The following NOMO2 variants were observed in gnomAD, a reference collection of about 807,000 sequenced individuals.
NOMO2 encodes BOS complex subunit NOMO2.
In NOMO2, 14 loss-of-function variants were observed where a neutral mutation model predicts 67.1. The observed-to-expected ratio is 0.21, with a 90% CI of 0.14 to 0.33. NOMO2 has a LOEUF of 0.33. Among genes scored for constraint, NOMO2 ranks in the 10% least tolerant of loss-of-function variants. NOMO2 has a pLI of 1.00. For missense variants in NOMO2, 178 were observed against 761.0 expected (o/e 0.23, Z 9.01); for synonymous variants, 80 against 305.9 (o/e 0.26, Z 7.71).
At chr16:18,528,494 C>T (rs1422529638) in intron 15 of NOMO2, among the ~76,000 whole-genome samples, 4 of 151,854 alleles carry the variant, frequency 2.6e-5, no homozygotes, top group East Asian at 1.9e-4. Flanking sequence ...TAAGACCTGA[C>T]GATGACATCT....
intron 15 of NOMO2, among the ~76,000 whole-genome samples, chr16:18,528,601 A>G (rs1262771258): frequency 6.6e-6 from 1 of 151,834 alleles, no homozygotes; most frequent in South Asian, 2.1e-4. Context: ...GGCCACAGAG[A>G]CCACAATCAA....
At chr16:18,529,408 C>A in intron 15 of NOMO2, 93 bp downstream of exon 15, 1 of 1,610,912 alleles carries the variant, frequency 6.2e-7, no homozygotes, top group Non-Finnish European at 8.5e-7. Context: ...ATCTGACTTG[C>A]CTACGTTTAC....
At chr16:18,535,639 G>A (rs771044166) in intron 11 of NOMO2, among the ~76,000 whole-genome samples, 17 of 151,786 alleles carry the variant, frequency 1.1e-4, no homozygotes, top group Middle Eastern at 3.4e-3. Context: ...GCCTGGGCCC[G>A]GCCACTACCA....
At chr16:18,546,596 A>T (rs1308607749) in intron 6 of NOMO2, among the ~76,000 whole-genome samples, 1 of 790 alleles carries the variant, frequency 1.3e-3, no homozygotes. Context: ...CTCCGTCTTT[A>T]AAAAAAAAAA....
At chr16:18,531,359 G>A in intron 13 of NOMO2, 107 bp downstream of exon 13, 1 of 1,581,606 alleles carries the variant, frequency 6.3e-7, no homozygotes, top group Non-Finnish European at 8.7e-7. Context: ...TCGCACGCAG[G>A]TGATCAGTAG....
In NOMO2 at chr16:18,520,834, T is replaced by C. The variant is rs1189799501; in HGVS notation, c.2204A>G (p.Lys735Arg). Residue 735 changes from lysine (K) to arginine (R), a missense_variant, in exon 19 of 31, where the codon AAG (lysine) becomes AGG (arginine). Physicochemically the swap from Lys to Arg is conservative, Grantham distance 26 (BLOSUM62 2). Transcript: ENST00000622306. ...GNEEGEERMT[K>R]PPVQEMVDEL... ...ATCTACCATCTCCTGCACGGGAGGCTTGGTCATTCTTTCTTCACCTTCCTC... is the reference window on the plus strand; with the variant it reads ...ATCTACCATCTCCTGCACGGGAGGCCTGGTCATTCTTTCTTCACCTTCCTC... The C allele has an allele frequency of 1.2e-6, 2 of 1,613,966 alleles. No individual in the cohort carries two copies. The highest frequency in any genetic ancestry group is 2.7e-5 in the African/African-American group (2 of 74,954).
At chr16:18,525,037 G>A (rs1901114883) in intron 16 of NOMO2, among the ~76,000 whole-genome samples, 1 of 148,386 alleles carries the variant, frequency 6.7e-6, no homozygotes, top group Non-Finnish European at 1.5e-5. Flanking sequence ...ACTCCGAGTA[G>A]GGGTACATTT....
intron 15 of NOMO2, among the ~76,000 whole-genome samples, chr16:18,528,967 CAAAAAAAA>C (rs58520369): frequency 8.1e-5 from 1 of 12,334 alleles, no homozygotes; most frequent in African/African-American, 2.7e-4. Context: ...GACTCCATCT[CAAAAAAAA>C]AAAAAAAAAA....
chr16:18,520,419 C>A lies in NOMO2; in HGVS notation c.2356+178G>T, dbSNP rs1469124564. Among the ~76,000 whole-genome samples the A allele has an allele frequency of 2.0e-5, 3 of 149,564 alleles. 1 individual carries two copies. Among genetic ancestry groups the A allele is most frequent in the Non-Finnish European group, 1.5e-5 (1 of 67,208 alleles). ...CCATCCATCCATCCAACCCAACCATCCATCCATCCATCCATCCATCCATCC... is the reference window on the plus strand; with the variant it reads ...CCATCCATCCATCCAACCCAACCATACATCCATCCATCCATCCATCCATCC... On this transcript the variant is annotated intron_variant, in intron 20 of 30. Coordinates refer to ENST00000622306, the MANE Select transcript of NOMO2 (RefSeq NM_173614.4).
rs551843926 is a variant in NOMO2, at chr16:18,531,644, C to T, written c.1396-37G>A. On this transcript the variant is annotated intron_variant, in intron 12 of 30. Coordinates refer to ENST00000622306, the MANE Select transcript of NOMO2 (RefSeq NM_173614.4). ...TGGATGGAACGTTAGAGGCTGCATT[C>T]GGGGAGATCTTCCCCCTGACCTACA... is the stretch of plus-strand genomic sequence containing the variant. 8.9e-5 allele frequency: 144 copies of T among 1,611,038 alleles called. 2 individuals carry two copies. Among genetic ancestry groups the T allele is most frequent in the Admixed American group, 2.0e-4 (12 of 59,168 alleles).
At chr16:18,551,103 G>T (rs1901776218) in intron 4 of NOMO2, among the ~76,000 whole-genome samples, 1 of 151,898 alleles carries the variant, frequency 6.6e-6, no homozygotes, top group South Asian at 2.1e-4. Flanking sequence ...GAACCTGGGA[G>T]GTGGAGGCTG....
At chr16:18,520,505 T>C in intron 20 of NOMO2, 92 bp downstream of exon 20, 2 of 671,426 alleles carry the variant, frequency 3.0e-6, no homozygotes, top group South Asian at 3.9e-5. Context: ...CAAAGATGGC[T>C]TCACTATAAC....
chr16:18,527,076 TGTGGTG>T (rs1056410746), intron 16 of NOMO2, among the ~76,000 whole-genome samples: 1 of 129,712 alleles, frequency 7.7e-6, no homozygotes. Context: ...ATTAGCCGGA[TGTGGTG>T]GTGGGCACCT....
Position 18,554,402 on chromosome 16 carries a change from T to C in NOMO2, c.301+405A>G, listed in dbSNP as rs575971925. On this transcript the variant is annotated intron_variant, in intron 3 of 30. Coordinates refer to ENST00000622306, the MANE Select transcript of NOMO2 (RefSeq NM_173614.4). ...CATGGGACATAAATCTGGATTTTTATGACAAATCTCACAATCTTTAAATGT... is the reference window on the plus strand; with the variant it reads ...CATGGGACATAAATCTGGATTTTTACGACAAATCTCACAATCTTTAAATGT... Among the ~76,000 whole-genome samples, 8 of 152,012 alleles carry C rather than the reference T, an allele frequency of 5.3e-5. No homozygotes were observed. In the South Asian group the frequency reaches 1.3e-3, roughly 24 times the overall value.
At chr16:18,545,242 T>C (rs1332649904) in intron 6 of NOMO2, among the ~76,000 whole-genome samples, 1 of 148,246 alleles carries the variant, frequency 6.7e-6, no homozygotes, top group Middle Eastern at 3.4e-3. Flanking sequence ...ATTACAGGTG[T>C]ATGCCACCAT....
intron 1 of NOMO2, among the ~76,000 whole-genome samples, chr16:18,561,250 G>A (rs1025374855): frequency 7.3e-6 from 1 of 137,924 alleles, no homozygotes; most frequent in African/African-American, 2.8e-5. Context: ...TACTCATTAA[G>A]GCAATCAGGG....
At chr16:18,561,173 TAAAAAAAAAAAAAA>T (rs756246897) in intron 1 of NOMO2, among the ~76,000 whole-genome samples, 210 of 32,334 alleles carry the variant, frequency 6.5e-3, no homozygotes, top group African/African-American at 0.018. Context: ...ACAACTTAAT[TAAAAAAAAAAAAAA>T]AAAAAAAAAA....
chr16:18,556,715 G>A (rs974445813), intron 2 of NOMO2, among the ~76,000 whole-genome samples: 1 of 152,084 alleles, frequency 6.6e-6, no homozygotes, highest in African/African-American at 2.4e-5. Context: ...GGTGTTTGTG[G>A]ATACATATCG....
intron 1 of NOMO2, among the ~76,000 whole-genome samples, chr16:18,560,169 G>A (rs904375559): frequency 2.0e-5 from 3 of 151,886 alleles, no homozygotes; most frequent in African/African-American, 4.8e-5. Flanking sequence ...TCAGGACACA[G>A]GATGGCAATG....
Sources: gnomAD v4.1 joint callset for allele counts (sites outside exome capture counted in the v4.1 genomes callset) on GRCh38, gnomAD v4.1.1 for gene constraint, MANE v1.5 for transcripts, NCBI Gene and HGNC (gene_info 2026-07-23, HGNC 2026-07-21) for gene names.